The following TMEM232 variants were observed in gnomAD, a reference collection of about 807,000 sequenced individuals.
The protein encoded by TMEM232 is transmembrane protein 232.
Under a neutral mutation model 78.8 loss-of-function variants are expected in TMEM232, and 80 were observed. The observed-to-expected ratio is 1.01, with a 90% CI of 0.85 to 1.22. The LOEUF (loss-of-function observed/expected upper bound fraction) is 1.22, where lower values mean the gene tolerates loss of function less well. Ranked by LOEUF, TMEM232 falls within the 50% of genes most tolerant of loss-of-function variation. TMEM232 has a pLI of 0.00. For synonymous variants in TMEM232, 297 were observed against 254.3 expected (o/e 1.17, Z -1.60); for missense variants, 881 against 742.2 (o/e 1.19, Z -2.17).
intron 12 of TMEM232, among the ~76,000 whole-genome samples, chr5:110,473,603 A>T (rs189509850): frequency 4.6e-4 from 69 of 151,006 alleles, no homozygotes; most frequent in Admixed American, 3.3e-4. Flanking sequence ...TAAAAAAAAA[A>T]TTGAAGTACC....
rs551405670 is a variant in TMEM232, at chr5:110,528,304, A to C, written c.1703+284T>G. Among the ~76,000 whole-genome samples, 166 of 152,052 alleles carry C rather than the reference A, an allele frequency of 1.1e-3. 1 individual carries two copies. The highest frequency in any genetic ancestry group is 4.0e-3 in the African/African-American group (166 of 41,558). On this transcript the variant is annotated intron_variant, in intron 12 of 13. Coordinates refer to ENST00000455884, the MANE Select transcript of TMEM232 (RefSeq NM_001039763.4). ...CATAAAATAGGGTCTTAAAATTTTG[A>C]ATATTGAATGATTTGGTTTCTGTTT... is the stretch of plus-strand genomic sequence containing the variant.
At chr5:110,644,769 T>C (rs1235760325) in intron 2 of TMEM232, among the ~76,000 whole-genome samples, 1 of 151,072 alleles carries the variant, frequency 6.6e-6, no homozygotes, top group African/African-American at 2.4e-5. Flanking sequence ...GAAGTAGAAA[T>C]AAATTAAAGA....
chr5:110,737,822 AT>A (rs1472378378), intron 1 of TMEM232, among the ~76,000 whole-genome samples: 2 of 152,160 alleles, frequency 1.3e-5, no homozygotes, highest in African/African-American at 4.8e-5. Context: ...ATATTTTAAA[AT>A]TTACTATATG....
At chr5:110,507,548 ACTCAGGTT>A (rs1221317858) in intron 12 of TMEM232, among the ~76,000 whole-genome samples, 21 of 152,284 alleles carry the variant, frequency 1.4e-4, no homozygotes, top group Admixed American at 4.6e-4. Flanking sequence ...AGAATTGGTG[ACTCAGGTT>A]CTCAGGTTCT....
At chr5:110,394,208 G>A (rs1271787881) in intron 3 of TMEM232, among the ~76,000 whole-genome samples, 1 of 152,052 alleles carries the variant, frequency 6.6e-6, no homozygotes, top group Admixed American at 6.6e-5. Context: ...GAAGTTTTGT[G>A]TCTTTCTGTG....
intron 1 of TMEM232, among the ~76,000 whole-genome samples, chr5:110,705,548 A>G (rs1018212634): frequency 2.0e-5 from 3 of 152,042 alleles, no homozygotes; most frequent in Admixed American, 6.6e-5. Context: ...AGGTTTGCTG[A>G]CCATGCTAAT....
At chr5:110,537,189 A>C (rs934630364) in intron 11 of TMEM232, among the ~76,000 whole-genome samples, 3 of 152,032 alleles carry the variant, frequency 2.0e-5, no homozygotes, top group Non-Finnish European at 2.9e-5. Context: ...CACTATGGAC[A>C]ACCCTCCATC....
chr5:110,394,721 T>A (rs1755322862), intron 3 of TMEM232, among the ~76,000 whole-genome samples: 3 of 152,218 alleles, frequency 2.0e-5, no homozygotes, highest in Admixed American at 1.3e-4. Context: ...ATTGTTTAAT[T>A]TCCATGTGTT....
At chr5:110,463,225 A>G (rs1761725994) in intron 12 of TMEM232, among the ~76,000 whole-genome samples, 1 of 152,206 alleles carries the variant, frequency 6.6e-6, no homozygotes. Flanking sequence ...GCAGCCATCA[A>G]CATCAAGGCA....
At chr5:110,475,734 A>G (rs754246618) in intron 12 of TMEM232, among the ~76,000 whole-genome samples, 11 of 151,836 alleles carry the variant, frequency 7.2e-5, no homozygotes, top group Non-Finnish European at 1.6e-4. Flanking sequence ...AACTCTGCAG[A>G]TATCCAGAGT....
intron 8 of TMEM232, among the ~76,000 whole-genome samples, chr5:110,615,239 G>T (rs10051033): frequency 0.026 from 3,886 of 151,924 alleles, 84 homozygotes; most frequent in Non-Finnish European, 0.033. Context: ...TTTTAGAAGG[G>T]TCTACAGTTG....
intron 1 of TMEM232, among the ~76,000 whole-genome samples, chr5:110,697,174 C>T (rs1794890298): frequency 6.6e-6 from 1 of 152,188 alleles, no homozygotes; most frequent in East Asian, 1.9e-4. Context: ...CTTTGACAAA[C>T]CTGACAAAAA....
rs370018657 is a variant in TMEM232, at chr5:110,586,170, A to T, written c.1277-17545T>A. ...AATAGTAACAAGTGGTATTTCTTTT[A>T]TTATTATTTCTATTTTATAATAGAT... is the stretch of plus-strand genomic sequence containing the variant. On this transcript the variant is annotated intron_variant, in intron 10 of 13. Transcript: ENST00000455884. Among the ~76,000 whole-genome samples, 11 of 152,202 alleles carry T rather than the reference A, an allele frequency of 7.2e-5. No individual in the cohort carries two copies. In the East Asian group the frequency reaches 9.7e-4, roughly 13 times the overall value.
chr5:110,680,914 G>T (rs748616977), intron 1 of TMEM232, among the ~76,000 whole-genome samples: 4 of 152,034 alleles, frequency 2.6e-5, no homozygotes, highest in African/African-American at 4.8e-5. Context: ...AATGGGGTAT[G>T]GGTAGGGGTA....
chr5:110,566,926 C>T (rs1581237524), intron 11 of TMEM232, among the ~76,000 whole-genome samples: 1 of 151,864 alleles, frequency 6.6e-6, no homozygotes, highest in Non-Finnish European at 1.5e-5. Flanking sequence ...CTCACATTTC[C>T]ACATGGCTAG....
chr5:110,651,587 T>A (rs532059109), intron 2 of TMEM232, among the ~76,000 whole-genome samples: 1 of 152,182 alleles, frequency 6.6e-6, no homozygotes, highest in African/African-American at 2.4e-5. Context: ...TATTTTACTC[T>A]GGATGTAATG....
intron 1 of TMEM232, among the ~76,000 whole-genome samples, chr5:110,702,572 T>C (rs1285009732): frequency 6.6e-6 from 1 of 152,080 alleles, no homozygotes; most frequent in African/African-American, 2.4e-5. Context: ...ATACTCTTCA[T>C]TGCCTCTGTT....
intron 1 of TMEM232, among the ~76,000 whole-genome samples, chr5:110,677,009 C>G (rs1300275518): frequency 1.3e-5 from 2 of 152,114 alleles, no homozygotes; most frequent in Non-Finnish European, 2.9e-5. Flanking sequence ...GATCTGCCTG[C>G]CATAGCCTCC....
chr5:110,690,367 GA>G (rs200052409), intron 1 of TMEM232, among the ~76,000 whole-genome samples: 1 of 152,020 alleles, frequency 6.6e-6, no homozygotes. Context: ...AAAAACATAC[GA>G]AAAAAGGCTC....
Sources: gnomAD v4.1 joint callset for allele counts (sites outside exome capture counted in the v4.1 genomes callset) on GRCh38, gnomAD v4.1.1 for gene constraint, MANE v1.5 for transcripts, NCBI Gene and HGNC (gene_info 2026-07-23, HGNC 2026-07-21) for gene names.